KIAA0930: variants seen among roughly 807,000 people sequenced by gnomAD.
KIAA0930 encodes KIAA0930, also known as uncharacterized protein KIAA0930.
KIAA0930 carries 24 observed loss-of-function variants against 43.9 expected under a neutral mutation model. The observed-to-expected ratio is 0.55, with a 90% CI of 0.40 to 0.77. KIAA0930 has a LOEUF of 0.77. Ranked by LOEUF, KIAA0930 falls within the 30% of genes least tolerant of loss-of-function variation. KIAA0930 has a pLI of 0.00. For missense variants in KIAA0930, 461 were observed against 574.2 expected (o/e 0.80, Z 2.02); for synonymous variants, 259 against 216.4 (o/e 1.20, Z -1.73).
intron 1 of KIAA0930, among the ~76,000 whole-genome samples, chr22:45,240,221 G>A (rs952564682): frequency 2.0e-5 from 3 of 152,224 alleles, no homozygotes; most frequent in African/African-American, 4.8e-5. Flanking sequence ...AGAGCCCAAC[G>A]AGGGCCCGAC....
At position 45,196,129 on chromosome 22, in the gene KIAA0930, T is replaced by C. The variant is rs1484066999; in HGVS notation, c.*1047A>G. 6.6e-6 allele frequency: 1 copy of C among 152,260 alleles called. No homozygotes were observed. The highest frequency in any genetic ancestry group is 1.5e-5 in the Non-Finnish European group (1 of 68,076). The allele number at this position is 152,260 out of a possible 1,614,324, so 9.4% of individuals were successfully genotyped here. On this transcript the variant is annotated 3_prime_UTR_variant, in exon 10 of 10. Coordinates refer to ENST00000336156, the MANE Select transcript of KIAA0930 (RefSeq NM_001009880.2). The surrounding 1 kb of genome is among the most constrained non-coding windows in gnomAD (Gnocchi z 4.1). ...ATCCTTGCAGATGGAAACGCCTTCA[T>C]GCTGGACCAGGCCGAGGGCAGGCCT... is the stretch of plus-strand genomic sequence containing the variant.
At chr22:45,224,251 C>T (rs571621246) in intron 1 of KIAA0930, among the ~76,000 whole-genome samples, 8 of 152,298 alleles carry the variant, frequency 5.3e-5, no homozygotes, top group South Asian at 2.1e-4. Flanking sequence ...AGGAATTACA[C>T]GCACATGCCC....
chr22:45,204,238 A>ACC (rs911159627), intron 5 of KIAA0930, among the ~76,000 whole-genome samples: 1 of 151,840 alleles, frequency 6.6e-6, no homozygotes, highest in Non-Finnish European at 1.5e-5. Flanking sequence ...GAAGACGCAC[A>ACC]CCCTCATCAC....
intron 5 of KIAA0930, among the ~76,000 whole-genome samples, chr22:45,204,672 G>C (rs528071071): frequency 1.3e-5 from 2 of 151,762 alleles, no homozygotes; most frequent in East Asian, 3.9e-4. Flanking sequence ...GACACAAATG[G>C]GCAGAGCAGG....
intron 1 of KIAA0930, chr22:45,213,516 A>G: frequency 8.5e-7 from 1 of 1,170,438 alleles, no homozygotes. Flanking sequence ...TGCTGTCTGC[A>G]GAGTCGCTTT....
chr22:45,202,340 G>C lies in KIAA0930; in HGVS notation c.852+650C>G, dbSNP rs117651943. ...CTGCTGACCTCAGCCTCCCGCCCTG[G>C]GGAAGGAGAGTGGCCTAGGCAGAGC... is the stretch of plus-strand genomic sequence containing the variant. On this transcript the variant is annotated intron_variant, in intron 7 of 9. Transcript: ENST00000336156. 4.4e-3 allele frequency among the ~76,000 whole-genome samples: 669 copies of C among 152,382 alleles called. 3 individuals are homozygous for C. Among genetic ancestry groups the C allele is most frequent in the Non-Finnish European group, 8.2e-3 (558 of 68,034 alleles).
chr22:45,207,334 T>A (rs1190927563), intron 2 of KIAA0930, among the ~76,000 whole-genome samples: 2 of 144,850 alleles, frequency 1.4e-5, no homozygotes, highest in Non-Finnish European at 3.0e-5. Flanking sequence ...TATTTTTTTA[T>A]TTTTTTGAGA....
intron 1 of KIAA0930, chr22:45,212,567 C>T (rs939347153): frequency 1.3e-4 from 175 of 1,387,182 alleles, no homozygotes; most frequent in Non-Finnish European, 1.4e-4. Flanking sequence ...AGCGGGAACC[C>T]GACTTAAAGG....
At position 45,192,500 on chromosome 22, in the gene KIAA0930, A is replaced by C. The variant is rs2083498027; in HGVS notation, c.*4676T>G. 1 of 152,222 alleles carries C rather than the reference A, an allele frequency of 6.6e-6. No homozygotes were observed. The highest frequency in any genetic ancestry group is 1.5e-5 in the Non-Finnish European group (1 of 68,048). The allele number at this position is 152,222 out of a possible 1,614,324, so 9.4% of individuals were successfully genotyped here. A position where few individuals can be genotyped will look rare whatever the true frequency, so the allele number is the denominator to read the frequency against. ...GTTGTAGAAGTCATAATTCATAGTG[A>C]AGAATCTCAACAGGTTTTCTTACAG... On this transcript the variant is annotated 3_prime_UTR_variant, in exon 10 of 10. Transcript: ENST00000336156.
intron 2 of KIAA0930, chr22:45,211,400 A>G: frequency 2.5e-6 from 1 of 399,182 alleles, no homozygotes; most frequent in Non-Finnish European, 4.4e-6. Context: ...CGTTAGGCGA[A>G]TCACTTCATC....
chr22:45,205,986 G>A, intron 2 of KIAA0930, 74 bp from the exon 3 acceptor site: 3 of 1,575,684 alleles, frequency 1.9e-6, no homozygotes, highest in Non-Finnish European at 2.6e-6. Context: ...CTACTATGCA[G>A]GCATTACGAT....
intron 1 of KIAA0930, among the ~76,000 whole-genome samples, chr22:45,230,634 T>A (rs1012232458): frequency 2.0e-5 from 3 of 147,444 alleles, no homozygotes; most frequent in Non-Finnish European, 4.5e-5. Flanking sequence ...CAAGCTAGAG[T>A]ACAGTGGCGC....
chr22:45,200,047 C>T lies in KIAA0930; in HGVS notation c.853-12G>A. 6.3e-7 allele frequency: 1 copy of T among 1,583,404 alleles called. No homozygotes were observed. Among genetic ancestry groups the T allele is most frequent in the East Asian group, 2.4e-5 (1 of 41,906 alleles). The stretch of plus-strand genomic sequence containing the variant: ...CTGAAGGAGGTCACCTGGGAACAAG[C>T]AGCCAAAGTCACCAGAGTAGCAGAA... On this transcript the variant is annotated splice_polypyrimidine_tract_variant and intron_variant, in intron 7 of 9. Coordinates refer to ENST00000336156, the MANE Select transcript of KIAA0930 (RefSeq NM_001009880.2).
intron 1 of KIAA0930, chr22:45,226,385 T>C (rs1358656516): frequency 2.1e-6 from 1 of 468,844 alleles, no homozygotes; most frequent in African/African-American, 2.0e-5. Flanking sequence ...CATGAGGTCC[T>C]AGGGGACAAA....
intron 1 of KIAA0930, among the ~76,000 whole-genome samples, chr22:45,227,623 T>C (rs957953959): frequency 2.0e-5 from 3 of 152,128 alleles, no homozygotes; most frequent in Admixed American, 1.3e-4. Flanking sequence ...GTCACCGGGC[T>C]GTCACTGGAA....
chr22:45,219,918 A>T (rs2083757560), intron 1 of KIAA0930, among the ~76,000 whole-genome samples: 1 of 152,054 alleles, frequency 6.6e-6, no homozygotes, highest in Admixed American at 6.5e-5. Flanking sequence ...AGGCAATCCT[A>T]TCAGATTTTC....
At chr22:45,206,042 G>A in intron 2 of KIAA0930, 130 bp from the exon 3 acceptor site, 3 of 1,467,218 alleles carry the variant, frequency 2.0e-6, no homozygotes, top group Middle Eastern at 2.5e-4. Context: ...TTGAGACAGG[G>A]TCTCACACCG....
At chr22:45,203,288 G>A (rs1737410383) in intron 6 of KIAA0930, 104 bp from the exon 7 acceptor site, 4 of 1,187,166 alleles carry the variant, frequency 3.4e-6, no homozygotes. Flanking sequence ...TCAAGGAGCG[G>A]GGGCTGCCCG....
chr22:45,225,199 A>C (rs1219921111), intron 1 of KIAA0930, among the ~76,000 whole-genome samples: 5 of 151,140 alleles, frequency 3.3e-5, no homozygotes, highest in African/African-American at 1.2e-4. Flanking sequence ...CCTTTCATCC[A>C]CTCGTGCCTC....
Sources: gnomAD v4.1 joint callset for allele counts (sites outside exome capture counted in the v4.1 genomes callset) on GRCh38, gnomAD v4.1.1 for gene constraint, Gnocchi (gnomAD v3.1) non-coding constraint, MANE v1.5 for transcripts, NCBI Gene and HGNC (gene_info 2026-07-23, HGNC 2026-07-21) for gene names.